LEKR1: variants seen among roughly 807,000 people sequenced by gnomAD.
LEKR1 encodes the protein protein LEKR1.
In LEKR1, 59 loss-of-function variants were observed where a neutral mutation model predicts 72.4. The observed-to-expected ratio is 0.82, with a 90% CI of 0.66 to 1.01. The LOEUF (loss-of-function observed/expected upper bound fraction) is 1.01, where lower values mean the gene tolerates loss of function less well. Among genes scored for constraint, LEKR1 ranks in the 50% least tolerant of loss-of-function variants. LEKR1 has a pLI of 0.00. For synonymous variants in LEKR1, 257 were observed against 263.2 expected, an observed-to-expected ratio of 0.98 and a Z score of 0.23; for missense variants, 728 against 759.2, an observed-to-expected ratio of 0.96 and a Z score of 0.48.
chr3:157,008,559 CT>C, intron 9 of LEKR1, among the ~76,000 whole-genome samples: 2 of 152,282 alleles, frequency 1.3e-5, no homozygotes, highest in Non-Finnish European at 2.9e-5. Flanking sequence ...ATTCCATCTC[CT>C]TCTCTCCTTC....
chr3:156,857,360 C>G (rs1285879185), intron 3 of LEKR1, among the ~76,000 whole-genome samples: 1 of 152,082 alleles, frequency 6.6e-6, no homozygotes, highest in Non-Finnish European at 1.5e-5. Context: ...GTACTCTGCA[C>G]TATTCTATTT....
chr3:157,003,909 G>C (rs941874852), intron 9 of LEKR1, among the ~76,000 whole-genome samples: 2 of 151,822 alleles, frequency 1.3e-5, no homozygotes. Context: ...AAAGAAAACA[G>C]AAAGAAGGGA....
intron 2 of LEKR1, among the ~76,000 whole-genome samples, chr3:156,845,252 G>A (rs570632068): frequency 4.0e-4 from 60 of 151,736 alleles, no homozygotes; most frequent in African/African-American, 1.3e-3. Context: ...AGTAAGATAC[G>A]TGGTTTTCAA....
chr3:157,043,444 C>T (rs1735513678), intron 12 of LEKR1, among the ~76,000 whole-genome samples: 2 of 110,224 alleles, frequency 1.8e-5, no homozygotes, highest in African/African-American at 6.3e-5. Context: ...ATGAAAATGT[C>T]CTTCTGTGTT....
intron 3 of LEKR1, among the ~76,000 whole-genome samples, chr3:156,919,139 C>G (rs1723945407): frequency 6.6e-6 from 1 of 152,214 alleles, no homozygotes; most frequent in South Asian, 2.1e-4. Context: ...CGAGAGTACC[C>G]TCCAAATCAC....
intron 5 of LEKR1, among the ~76,000 whole-genome samples, chr3:156,939,448 C>T (rs978031013): frequency 6.6e-6 from 1 of 152,170 alleles, no homozygotes; most frequent in Non-Finnish European, 1.5e-5. Flanking sequence ...ATCTGTGGTA[C>T]TTTCTTTCAG....
At chr3:157,009,534 A>G in intron 9 of LEKR1, among the ~76,000 whole-genome samples, 1 of 152,148 alleles carries the variant, frequency 6.6e-6, no homozygotes, top group East Asian at 1.9e-4. Context: ...CTAATTGTGT[A>G]CAAGGTTCTA....
At chr3:156,991,786 C>G (rs2108008836) in intron 7 of LEKR1, among the ~76,000 whole-genome samples, 1 of 152,260 alleles carries the variant, frequency 6.6e-6, no homozygotes, top group South Asian at 2.1e-4. Flanking sequence ...AAATCTTTGT[C>G]TGCTCATTTC....
chr3:157,009,109 T>C (rs1482081342), intron 9 of LEKR1, among the ~76,000 whole-genome samples: 1 of 152,188 alleles, frequency 6.6e-6, no homozygotes, highest in Non-Finnish European at 1.5e-5. Context: ...TCATGGAATA[T>C]ACATTATTAC....
intron 3 of LEKR1, among the ~76,000 whole-genome samples, chr3:156,901,978 C>A (rs1722082573): frequency 3.3e-5 from 5 of 152,208 alleles, no homozygotes; most frequent in Admixed American, 3.3e-4. Flanking sequence ...GTCACCACAC[C>A]AGGCCAATGA....
chr3:156,844,113 G>C (rs1714275389), intron 2 of LEKR1, among the ~76,000 whole-genome samples: 1 of 152,072 alleles, frequency 6.6e-6, no homozygotes, highest in African/African-American at 2.4e-5. Flanking sequence ...GGAAAAATAG[G>C]TATTGGAGGA....
intron 6 of LEKR1, among the ~76,000 whole-genome samples, chr3:156,943,339 A>G (rs1362816680): frequency 1.3e-5 from 2 of 151,946 alleles, no homozygotes; most frequent in African/African-American, 2.4e-5. Context: ...CAGTATCCCA[A>G]TCCCAAGACT....
chr3:157,010,278 G>A (rs1732783799), intron 9 of LEKR1, among the ~76,000 whole-genome samples: 1 of 151,956 alleles, frequency 6.6e-6, no homozygotes, highest in Admixed American at 6.6e-5. Flanking sequence ...TGAGGAAACA[G>A]TTTGAGGTAT....
intron 11 of LEKR1, 111 bp from the exon 12 acceptor site, chr3:157,027,992 C>T: frequency 1.5e-6 from 1 of 651,288 alleles, no homozygotes; most frequent in Non-Finnish European, 2.5e-6. Context: ...TTGGTTTCAT[C>T]TGATCAAGTG....
At chr3:156,968,108 A>C (rs890505228) in intron 6 of LEKR1, among the ~76,000 whole-genome samples, 28 of 152,216 alleles carry the variant, frequency 1.8e-4, no homozygotes, top group Admixed American at 7.9e-4. Flanking sequence ...CCTGCCCTAA[A>C]AGAGCTCCTG....
intron 2 of LEKR1, among the ~76,000 whole-genome samples, chr3:156,849,893 A>C (rs190904457): frequency 6.1e-4 from 93 of 152,192 alleles, no homozygotes; most frequent in Non-Finnish European, 1.1e-3. Flanking sequence ...GCAACAAAAG[A>C]CAAAATTGAC....
rs539672511 is a variant in LEKR1, at chr3:156,927,601, A to C, written c.556A>C (p.Thr186Pro). Residue 186 changes from threonine to proline, a missense_variant, in exon 5 of 13, where the codon ACA (threonine) becomes CCA (proline). Thr to Pro is a conservative substitution (Grantham distance 38). Coordinates refer to ENST00000356539, the MANE Select transcript of LEKR1 (RefSeq NM_001004316.3). ...QIKSISETAL[T>P]EIDILNKSLT... is the part of the protein sequence containing the mutation. Reference sequence around the variant, plus strand: ...TAAATCTATAAGTGAAACAGCCTTGACAGGTTTGTTACATATATTTAGAAT... The same window carrying C: ...TAAATCTATAAGTGAAACAGCCTTGCCAGGTTTGTTACATATATTTAGAAT... The C allele has an allele frequency of 9.2e-5, 112 of 1,212,778 alleles. No homozygotes were observed. The South Asian group carries it at 1.6e-3, about 17-fold the overall frequency. 75.1% of individuals were successfully genotyped at this position (1,212,778 alleles called of 1,614,324 possible).
At chr3:156,986,300 T>C (rs1045718959) in intron 7 of LEKR1, among the ~76,000 whole-genome samples, 2 of 152,196 alleles carry the variant, frequency 1.3e-5, no homozygotes, top group African/African-American at 4.8e-5. Flanking sequence ...GGGAGAATTC[T>C]AAGAGAGTAA....
chr3:157,008,246 A>C (rs1732619003), intron 9 of LEKR1, among the ~76,000 whole-genome samples: 1 of 152,198 alleles, frequency 6.6e-6, no homozygotes, highest in African/African-American at 2.4e-5. Flanking sequence ...GCTGGATGAC[A>C]CTGCCTTGTT....
Sources: allele counts gnomAD v4.1 joint callset (sites outside exome capture counted in the v4.1 genomes callset), GRCh38; gene constraint gnomAD v4.1.1; transcripts MANE v1.5; gene names NCBI Gene and HGNC (gene_info 2026-07-23, HGNC 2026-07-21).